VPS13B: variants seen among roughly 807,000 people sequenced by gnomAD.
The protein encoded by VPS13B is intermembrane lipid transfer protein VPS13B.
VPS13B carries 285 observed loss-of-function variants against 426.4 expected under a neutral mutation model. The observed-to-expected ratio is 0.67, with a 90% confidence interval of 0.61 to 0.74. The LOEUF is 0.74. VPS13B is among the 30% of genes least tolerant of loss of function. VPS13B has a pLI of 0.00. For missense variants in VPS13B, 4,537 were observed against 4,782.6 expected (o/e 0.95, Z 1.51); for synonymous variants, 1,676 against 1,676.4 (o/e 1.00, Z 0.01).
rs769533366 is a variant in VPS13B at position 99,699,745 on chromosome 8, A to C, written c.6267A>C (p.Gly2089=). Reference sequence around the variant, plus strand: ...CTAAACCCAAAATTCATGGTGATGGAGTGCAAAAGATTTCAGCTCAAGAAA... The same window carrying C: ...CTAAACCCAAAATTCATGGTGATGGCGTGCAAAAGATTTCAGCTCAAGAAA... ...KLSKPKIHGD[G]VQKISAQENM... is the part of the protein sequence containing the mutation. Residue 2089 remains glycine, a synonymous_variant, in exon 36 of 62, where the codon GGA becomes GGC. Coordinates refer to ENST00000357162, the MANE Select transcript of VPS13B (RefSeq NM_152564.5). 1 of 1,614,150 alleles carries C rather than the reference A, an allele frequency of 6.2e-7. No homozygotes were observed. The highest frequency in any genetic ancestry group is 8.5e-7 in the Non-Finnish European group (1 of 1,180,012).
chr8:99,391,329 CTG>C (rs992545060), intron 20 of VPS13B, among the ~76,000 whole-genome samples: 26 of 150,402 alleles, frequency 1.7e-4, no homozygotes, highest in South Asian at 6.3e-4. Flanking sequence ...AAGCATTGCT[CTG>C]TGTGTGCATG....
At chr8:99,620,076 G>C (rs1588557343) in intron 33 of VPS13B, among the ~76,000 whole-genome samples, 1 of 151,832 alleles carries the variant, frequency 6.6e-6, no homozygotes, top group East Asian at 1.9e-4. Context: ...ATTAAAATTA[G>C]TAGACAAGAA....
At chr8:99,869,513 C>T (rs6984511) in intron 59 of VPS13B, among the ~76,000 whole-genome samples, 21,576 of 152,166 alleles carry the variant, frequency 0.14, 1,755 homozygotes, top group African/African-American at 0.23. Context: ...TTCCCCTCCT[C>T]GCCCGCCTCA....
At position 99,096,316 on chromosome 8, in the gene VPS13B, A is replaced by G. The variant is rs1298869069; in HGVS notation, c.296A>G (p.Asp99Gly). The change falls in exon 4 of 62, where the codon GAC (aspartate) becomes GGC (glycine). Residue 99 changes from aspartate to glycine, a missense_variant. Coordinates refer to ENST00000357162, the MANE Select transcript of VPS13B (RefSeq NM_152564.5). ...ILKLKDGIQDDHESCGSNSTN... is the reference protein window; with the variant it reads ...ILKLKDGIQDGHESCGSNSTN... ...CTTTCTTTAAAATAAAAATAGGATG[A>G]CCATGAAAGCTGTGGTTCTAATTCT... The G allele has an allele frequency of 6.2e-7, 1 of 1,614,004 alleles. No homozygotes were observed. Among genetic ancestry groups the G allele is most frequent in the African/African-American group, 1.3e-5 (1 of 75,044 alleles).
At chr8:99,636,226 A>G (rs1251940623) in intron 33 of VPS13B, among the ~76,000 whole-genome samples, 1 of 151,962 alleles carries the variant, frequency 6.6e-6, no homozygotes, top group Non-Finnish European at 1.5e-5. Context: ...TCAGAGTCCT[A>G]TACTTTTTTC....
intron 2 of VPS13B, among the ~76,000 whole-genome samples, chr8:99,026,530 T>C (rs1842143063): frequency 6.6e-6 from 1 of 152,226 alleles, no homozygotes; most frequent in African/African-American, 2.4e-5. Context: ...TGTTCAATGC[T>C]ATGAGTGGGG....
Position 99,406,283 on chromosome 8 carries a change from G to A in VPS13B, c.3082+14579G>A, listed in dbSNP as rs188971705. Among the ~76,000 whole-genome samples, 204 of 147,754 alleles carry A rather than the reference G, an allele frequency of 1.4e-3. 1 individual carries two copies. The highest frequency in any genetic ancestry group is 5.0e-3 in the African/African-American group (201 of 39,962). ...ATATCTCAAGGGCTATATGTGAATT[G>A]TTCATTTTTGTATTCCCAGAGTCTA... On this transcript the variant is annotated intron_variant, in intron 21 of 61. Transcript: ENST00000357162.
intron 35 of VPS13B, among the ~76,000 whole-genome samples, chr8:99,662,308 C>T (rs1255731260): frequency 6.6e-5 from 10 of 152,012 alleles, no homozygotes; most frequent in Admixed American, 3.3e-4. Context: ...CCCTCACTTC[C>T]GTATAGTCTT....
rs1454613781 is a variant in VPS13B at position 99,577,603 on chromosome 8, T to G, written c.5190T>G (p.Thr1730=). 6.2e-7 allele frequency: 1 copy of G among 1,613,828 alleles called. No individual in the cohort carries two copies. Residue 1730 remains threonine, a synonymous_variant, in exon 33 of 62, where the codon ACT becomes ACG. Transcript: ENST00000357162. ...ATCAGTTAATAGTAGCAAATATGAC[T>G]GGACTGGAACCATCAAACAAGGCTG... The part of the protein sequence containing the change: ...LLHQLIVANM[T]GLEPSNKAAE...
intron 19 of VPS13B, among the ~76,000 whole-genome samples, chr8:99,305,343 A>G (rs184394525): frequency 6.6e-6 from 1 of 152,290 alleles, no homozygotes; most frequent in Non-Finnish European, 1.5e-5. Context: ...AATACAGTAT[A>G]ATAACTGTTT....
intron 3 of VPS13B, among the ~76,000 whole-genome samples, chr8:99,051,226 C>T (rs1337197923): frequency 2.6e-5 from 4 of 152,082 alleles, no homozygotes; most frequent in Admixed American, 6.5e-5. Flanking sequence ...AGGAAGGGAT[C>T]CAGTTTCAGC....
At chr8:99,066,360 C>T (rs1380624784) in intron 3 of VPS13B, among the ~76,000 whole-genome samples, 1 of 152,118 alleles carries the variant, frequency 6.6e-6, no homozygotes, top group Admixed American at 6.5e-5. Context: ...CATCTACAAC[C>T]ATCTGATCTT....
At chr8:99,456,980 C>T (rs1818495406) in intron 23 of VPS13B, among the ~76,000 whole-genome samples, 1 of 150,360 alleles carries the variant, frequency 6.7e-6, no homozygotes, top group African/African-American at 2.4e-5. Context: ...TGTTATAGGT[C>T]TATACAGATT....
chr8:99,302,090 G>A (rs1820397133), intron 19 of VPS13B, among the ~76,000 whole-genome samples: 1 of 152,018 alleles, frequency 6.6e-6, no homozygotes, highest in South Asian at 2.1e-4. Context: ...AGAAAGGAGG[G>A]GCATCAGATT....
chr8:99,134,871 A>G (rs1020290631), intron 9 of VPS13B, 144 bp downstream of exon 9: 5 of 1,188,282 alleles, frequency 4.2e-6, no homozygotes, highest in Non-Finnish European at 6.0e-6. Flanking sequence ...TATCTCATGG[A>G]TAGTATAAAT....
intron 17 of VPS13B, among the ~76,000 whole-genome samples, chr8:99,227,950 T>G (rs1172426420): frequency 6.6e-6 from 1 of 152,200 alleles, no homozygotes; most frequent in Admixed American, 6.5e-5. Context: ...TATTTTTTGA[T>G]GCATTGCTGT....
intron 39 of VPS13B, among the ~76,000 whole-genome samples, chr8:99,751,448 C>A (rs1278909368): frequency 6.6e-6 from 1 of 152,026 alleles, no homozygotes; most frequent in Admixed American, 6.6e-5. Flanking sequence ...AAAGAAAATG[C>A]TTATATTTTT....
intron 39 of VPS13B, among the ~76,000 whole-genome samples, chr8:99,745,495 A>G (rs1810035725): frequency 6.6e-6 from 1 of 152,148 alleles, no homozygotes; most frequent in Admixed American, 6.6e-5. Context: ...CATAACTTTT[A>G]TTACAGTGTA....
At chr8:99,400,697 A>C (rs893543869) in intron 21 of VPS13B, among the ~76,000 whole-genome samples, 2 of 152,144 alleles carry the variant, frequency 1.3e-5, no homozygotes, top group African/African-American at 2.4e-5. Flanking sequence ...TTTGTGGCGG[A>C]GTCTCGCTCT....
Sources: gnomAD v4.1 joint callset for allele counts (sites outside exome capture counted in the v4.1 genomes callset) on GRCh38, gnomAD v4.1.1 for gene constraint, MANE v1.5 for transcripts, NCBI Gene and HGNC (gene_info 2026-07-23, HGNC 2026-07-21) for gene names.